The following SHOC1 variants were observed in gnomAD, a reference collection of about 807,000 sequenced individuals.
SHOC1 encodes shortage in chiasmata 1, also known as protein shortage in chiasmata 1 ortholog.
SHOC1 carries 136 observed loss-of-function variants against 179.2 expected under a neutral mutation model. The observed-to-expected ratio is 0.76, with a 90% CI of 0.66 to 0.87. The LOEUF is 0.87. SHOC1 is among the 40% of genes least tolerant of loss of function. The probability of loss-of-function intolerance (pLI) is 0.00; values close to 1 mark genes in which losing one functional copy is unlikely to be tolerated. For synonymous variants in SHOC1, 489 were observed against 586.6 expected, an observed-to-expected ratio of 0.83 and a Z score of 2.41; for missense variants, 1,538 against 1,700.8, an observed-to-expected ratio of 0.90 and a Z score of 1.68.
Position 111,705,326 on chromosome 9 carries a change from C to G in SHOC1, c.2776G>C (p.Glu926Gln). The G allele has an allele frequency of 6.3e-7, 1 of 1,589,074 alleles. No individual in the cohort carries two copies. Among genetic ancestry groups the G allele is most frequent in the East Asian group, 2.3e-5 (1 of 43,334 alleles). ...AAAAACACATATGGAATCTGAATTT[C>G]CAAAAGAAAACCTCCAAATCTATCC... ...LLDRFGGFLL[E>Q]IQIPYVFFAS... Residue 926 changes from glutamate (E) to glutamine (Q), a missense_variant, in exon 21 of 28, where the codon GAA (glutamate) becomes CAA (glutamine). Coordinates refer to ENST00000682961, the MANE Select transcript of SHOC1 (RefSeq NM_001378211.1).
At chr9:111,768,523 T>C (rs992117077) in intron 5 of SHOC1, among the ~76,000 whole-genome samples, 1 of 152,218 alleles carries the variant, frequency 6.6e-6, no homozygotes, top group Non-Finnish European at 1.5e-5. Flanking sequence ...CCAGCCATTA[T>C]GTTGATTTTG....
Position 111,706,646 on chromosome 9 carries a change from A to G in SHOC1, c.2659T>C (p.Cys887Arg), listed in dbSNP as rs763297176. The change falls in exon 20 of 28, where the codon TGT becomes CGT. Residue 887 changes from cysteine to arginine, a missense_variant. Coordinates refer to ENST00000682961, the MANE Select transcript of SHOC1 (RefSeq NM_001378211.1). The part of the protein sequence containing the change: ...VVEYNYVEDS[C>R]WTKHCKELNI... ...AACTCTTTGCAGTGTTTAGTCCAAC[A>G]AGAGTCTTCCACATAATTGTATTCC... 8.3e-5 allele frequency: 134 copies of G among 1,609,590 alleles called. No homozygotes were observed. The highest frequency in any genetic ancestry group is 1.1e-4 in the Non-Finnish European group (132 of 1,177,380).
chr9:111,710,369 T>C (rs1832485880), intron 18 of SHOC1, among the ~76,000 whole-genome samples: 1 of 152,154 alleles, frequency 6.6e-6, no homozygotes, highest in Admixed American at 6.5e-5. Flanking sequence ...TTACCATAAT[T>C]TAAAATATTA....
chr9:111,738,587 T>C, intron 11 of SHOC1, 65 bp from the exon 12 acceptor site: 1 of 1,373,576 alleles, frequency 7.3e-7, no homozygotes, highest in South Asian at 1.7e-5. Flanking sequence ...CAAAACACAA[T>C]AAACAGAACC....
chr9:111,761,368 G>C (rs1835126859), intron 5 of SHOC1, among the ~76,000 whole-genome samples: 1 of 152,078 alleles, frequency 6.6e-6, no homozygotes, highest in South Asian at 2.1e-4. Context: ...CGGGCTTGGT[G>C]GTGGGGACCT....
chr9:111,781,426 A>G (rs1836035144), intron 3 of SHOC1, among the ~76,000 whole-genome samples: 1 of 152,168 alleles, frequency 6.6e-6, no homozygotes. Flanking sequence ...ATACAGTCCT[A>G]TATTTAAAAT....
At chr9:111,691,252 T>G (rs1394716907) in intron 27 of SHOC1, among the ~76,000 whole-genome samples, 1 of 152,234 alleles carries the variant, frequency 6.6e-6, no homozygotes, top group African/African-American at 2.4e-5. Flanking sequence ...ATTTTCTAAT[T>G]CACTGATTCC....
chr9:111,721,575 G>C (rs1833055766), intron 15 of SHOC1, among the ~76,000 whole-genome samples: 1 of 152,068 alleles, frequency 6.6e-6, no homozygotes, highest in Admixed American at 6.6e-5. Flanking sequence ...CCTGACCTCA[G>C]ATGATCCACC....
rs1836245842 is a variant in SHOC1, at chr9:111,785,975, A to G, written c.106T>C (p.Tyr36His). 18 of 1,530,684 alleles carry G rather than the reference A, an allele frequency of 1.2e-5. No homozygotes were observed. The highest frequency in any genetic ancestry group is 1.5e-5 in the Non-Finnish European group (17 of 1,138,504). 94.8% of individuals were successfully genotyped at this position (1,530,684 alleles called of 1,614,324 possible). A position where few individuals can be genotyped will look rare whatever the true frequency, so the allele number is the denominator to read the frequency against. ...GCTACATGGTAACTTTCATCTTGAT[A>G]TAAACATGAAGGGATTCGAAGCAAT... ...ALLLRIPSCL[Y>H]QDESYHVAVT... The change falls in exon 3 of 28, where the codon TAT (tyrosine) becomes CAT (histidine). Residue 36 changes from tyrosine (Y) to histidine (H), a missense_variant. Coordinates refer to ENST00000682961, the MANE Select transcript of SHOC1 (RefSeq NM_001378211.1).
At chr9:111,749,771 G>T (rs12339484) in intron 8 of SHOC1, among the ~76,000 whole-genome samples, 28,637 of 152,040 alleles carry the variant, frequency 0.19, 2,887 homozygotes, top group Non-Finnish European at 0.22. Flanking sequence ...GAGAACATGT[G>T]GTGTTTGGCT....
intron 18 of SHOC1, among the ~76,000 whole-genome samples, chr9:111,712,623 G>C (rs1832605519): frequency 6.6e-6 from 1 of 152,134 alleles, no homozygotes; most frequent in Non-Finnish European, 1.5e-5. Context: ...GTAGTGGGTA[G>C]AAAAGTGTAG....
chr9:111,740,137 C>T (rs138859297), intron 11 of SHOC1, among the ~76,000 whole-genome samples: 1 of 151,970 alleles, frequency 6.6e-6, no homozygotes, highest in Non-Finnish European at 1.5e-5. Context: ...CAAATTTATT[C>T]GGAGTTCCCT....
intron 8 of SHOC1, among the ~76,000 whole-genome samples, chr9:111,748,917 C>A (rs1204877691): frequency 7.5e-6 from 1 of 133,980 alleles, no homozygotes; most frequent in East Asian, 2.3e-4. Context: ...CCTCCCTTCC[C>A]TCCTTCCTTC....
intron 4 of SHOC1, among the ~76,000 whole-genome samples, chr9:111,776,656 A>T (rs1344498893): frequency 6.6e-6 from 1 of 152,224 alleles, no homozygotes; most frequent in Non-Finnish European, 1.5e-5. Flanking sequence ...TGAGGGAGAC[A>T]GGTTGGAATA....
chr9:111,752,562 A>G (rs1442848766), intron 8 of SHOC1, among the ~76,000 whole-genome samples: 2 of 152,246 alleles, frequency 1.3e-5, no homozygotes, highest in African/African-American at 4.8e-5. Context: ...ATGAAAAAAC[A>G]GGAACATGTG....
intron 18 of SHOC1, among the ~76,000 whole-genome samples, chr9:111,712,704 G>A (rs1362702654): frequency 1.3e-5 from 2 of 152,102 alleles, no homozygotes; most frequent in Non-Finnish European, 2.9e-5. Context: ...GAGAGTCCTA[G>A]GTTCAAATCC....
In SHOC1 at chr9:111,711,229, C is replaced by T. The variant is rs1020407098; in HGVS notation, c.2488+1871G>A. ...AAATGGTGATAGAGACAGGAGGCAGCCAATGGTCCCCCGGCGAAACCCCTT... is the reference window on the plus strand; with the variant it reads ...AAATGGTGATAGAGACAGGAGGCAGTCAATGGTCCCCCGGCGAAACCCCTT... On this transcript the variant is annotated intron_variant, in intron 18 of 27. Coordinates refer to ENST00000682961, the MANE Select transcript of SHOC1 (RefSeq NM_001378211.1). Among the ~76,000 whole-genome samples, 6 of 152,160 alleles carry T rather than the reference C, an allele frequency of 3.9e-5. 1 individual carries two copies. Among genetic ancestry groups the T allele is most frequent in the Admixed American group, 2.6e-4 (4 of 15,266 alleles).
intron 7 of SHOC1, 72 bp from the exon 8 acceptor site, chr9:111,756,550 CA>C: frequency 7.2e-7 from 1 of 1,381,014 alleles, no homozygotes; most frequent in Non-Finnish European, 9.9e-7. Context: ...CATAAGTGGA[CA>C]AAATTTGCTT....
intron 12 of SHOC1, among the ~76,000 whole-genome samples, chr9:111,732,266 C>A (rs532112296): frequency 1.1e-3 from 162 of 152,244 alleles, no homozygotes; most frequent in African/African-American, 3.8e-3. Flanking sequence ...AGCAATTTGA[C>A]TCCTAGATAT....
Sources: allele counts gnomAD v4.1 joint callset (sites outside exome capture counted in the v4.1 genomes callset), GRCh38; gene constraint gnomAD v4.1.1; transcripts MANE v1.5; gene names NCBI Gene and HGNC (gene_info 2026-07-23, HGNC 2026-07-21).